The following HTR2C variants were observed in gnomAD, a reference collection of about 807,000 sequenced individuals.
HTR2C encodes 5-hydroxytryptamine (serotonin) receptor 2C, G protein-coupled.
In HTR2C, 5 loss-of-function variants were observed where a neutral mutation model predicts 21.0. The observed-to-expected ratio is 0.24, with a 90% CI of 0.12 to 0.50. HTR2C has a LOEUF of 0.50. Ranked by LOEUF, HTR2C falls within the 20% of genes least tolerant of loss-of-function variation. The pLI is 0.98. For missense variants in HTR2C, 271 were observed against 371.2 expected (o/e 0.73, Z 2.22); for synonymous variants, 150 against 145.3 (o/e 1.03, Z -0.23).
At chrX:114,648,102 A>T (rs1930428061) in intron 2 of HTR2C, among the ~76,000 whole-genome samples, 1 of 112,011 alleles carries the variant, frequency 8.9e-6, no homozygotes, top group Non-Finnish European at 1.9e-5. Flanking sequence ...GCAAAAGTGG[A>T]TAGTAGTGGA....
intron 5 of HTR2C, among the ~76,000 whole-genome samples, chrX:114,863,355 G>A (rs1320080687): frequency 1.8e-5 from 2 of 111,073 alleles, no homozygotes; most frequent in Non-Finnish European, 3.8e-5. Flanking sequence ...TTCTATTGTT[G>A]TTTGACTCAA....
At chrX:114,853,036 A>G (rs782602078) in intron 5 of HTR2C, among the ~76,000 whole-genome samples, 47 of 111,329 alleles carry the variant, frequency 4.2e-4, no homozygotes, top group African/African-American at 1.4e-3. Context: ...CTGTTTCCCC[A>G]AAGCCTTGCT....
At chrX:114,693,951 C>T (rs782754205) in intron 2 of HTR2C, among the ~76,000 whole-genome samples, 17 of 111,368 alleles carry the variant, frequency 1.5e-4, no homozygotes, top group African/African-American at 5.5e-4. Flanking sequence ...TGAAGTCTCT[C>T]TACCTATGAA....
chrX:114,830,778 G>T, intron 4 of HTR2C, among the ~76,000 whole-genome samples: 1 of 98,714 alleles, frequency 1.0e-5, no homozygotes, highest in Admixed American at 1.1e-4. Flanking sequence ...CATGTGCCAT[G>T]CTGGTGCGCT....
At chrX:114,779,667 A>G (rs1237276440) in intron 4 of HTR2C, among the ~76,000 whole-genome samples, 1 of 112,069 alleles carries the variant, frequency 8.9e-6, no homozygotes, top group Non-Finnish European at 1.9e-5. Context: ...ATATTTTCGT[A>G]GTCAGGTACT....
At chrX:114,870,195 C>G (rs1556475976) in intron 5 of HTR2C, among the ~76,000 whole-genome samples, 1 of 109,398 alleles carries the variant, frequency 9.1e-6, no homozygotes, top group African/African-American at 3.3e-5. Flanking sequence ...TTAAGTGATT[C>G]TCCTGCCTCA....
chrX:114,786,606 A>T (rs1431357479), intron 4 of HTR2C, among the ~76,000 whole-genome samples: 2 of 111,620 alleles, frequency 1.8e-5, no homozygotes, highest in African/African-American at 6.5e-5. Flanking sequence ...ACCTTTAGCT[A>T]TTATATTACA....
chrX:114,746,215 C>T (rs1359789072), intron 4 of HTR2C, among the ~76,000 whole-genome samples: 1 of 111,308 alleles, frequency 9.0e-6, no homozygotes, highest in African/African-American at 3.3e-5. Flanking sequence ...AATAAGAATT[C>T]TATACAACCT....
At chrX:114,676,160 G>A (rs1436153776) in intron 2 of HTR2C, among the ~76,000 whole-genome samples, 6 of 111,310 alleles carry the variant, frequency 5.4e-5, no homozygotes, top group African/African-American at 1.6e-4. Context: ...GTGAGCCACC[G>A]CGCTCAGCCT....
In HTR2C at chrX:114,688,926, A is replaced by T. The variant is rs147058452; in HGVS notation, c.-79-37932A>T. On this transcript the variant is annotated intron_variant, in intron 2 of 5. Coordinates refer to ENST00000276198, the MANE Select transcript of HTR2C (RefSeq NM_000868.4). ...CTGGTGATTTCTGAGATTTTGATGC[A>T]CCCATCACCCAAGCAGTGTATGTTG... Among the ~76,000 whole-genome samples the T allele has an allele frequency of 4.0e-3, 434 of 108,942 alleles. 2 individuals carry two copies. Among genetic ancestry groups the T allele is most frequent in the African/African-American group, 0.014 (412 of 29,907 alleles). The allele number at this position is 108,942 out of a possible 115,157, so 94.6% of individuals were successfully genotyped here.
intron 5 of HTR2C, among the ~76,000 whole-genome samples, chrX:114,885,030 G>A (rs1028149737): frequency 4.5e-5 from 5 of 110,300 alleles, no homozygotes; most frequent in Non-Finnish European, 9.5e-5. Flanking sequence ...ACCAGAGGAG[G>A]GAGGGTGGGA....
chrX:114,791,385 C>T (rs1402272953), intron 4 of HTR2C, among the ~76,000 whole-genome samples: 2 of 111,650 alleles, frequency 1.8e-5, no homozygotes, highest in Non-Finnish European at 3.8e-5. Flanking sequence ...TTTTCTTAGT[C>T]GGTCTTTAAT....
intron 1 of HTR2C, among the ~76,000 whole-genome samples, chrX:114,603,489 A>G (rs1928238080): frequency 9.4e-6 from 1 of 106,463 alleles, no homozygotes; most frequent in South Asian, 4.4e-4. Flanking sequence ...GACCACTCGA[A>G]CCATGCCTAG....
chrX:114,625,343 G>A (rs1255007592), intron 2 of HTR2C, among the ~76,000 whole-genome samples: 1 of 111,742 alleles, frequency 8.9e-6, no homozygotes, highest in African/African-American at 3.3e-5. Flanking sequence ...GGGCCTAATG[G>A]GAGGAGTTGG....
At chrX:114,641,588 G>T (rs1930125074) in intron 2 of HTR2C, among the ~76,000 whole-genome samples, 1 of 111,574 alleles carries the variant, frequency 9.0e-6, no homozygotes, top group African/African-American at 3.3e-5. Flanking sequence ...ATCAACAAGG[G>T]ATAAGTTGAT....
At chrX:114,704,101 T>C (rs900025485) in intron 2 of HTR2C, among the ~76,000 whole-genome samples, 101 of 111,529 alleles carry the variant, frequency 9.1e-4, no homozygotes, top group Non-Finnish European at 1.7e-3. Context: ...CAGGACCAGA[T>C]GGATTCACAG....
At chrX:114,633,056 T>G (rs1929694516) in intron 2 of HTR2C, among the ~76,000 whole-genome samples, 1 of 111,183 alleles carries the variant, frequency 9.0e-6, no homozygotes, top group Admixed American at 9.6e-5. Flanking sequence ...TTTTTAAAAC[T>G]TAATTTCTTC....
chrX:114,859,184 G>A (rs371473336), intron 5 of HTR2C, among the ~76,000 whole-genome samples: 56 of 110,890 alleles, frequency 5.1e-4, no homozygotes, highest in African/African-American at 1.7e-3. Flanking sequence ...AAATGAGTTT[G>A]AAGCTGTCCC....
At chrX:114,746,424 G>A (rs782221548) in intron 4 of HTR2C, among the ~76,000 whole-genome samples, 29 of 111,362 alleles carry the variant, frequency 2.6e-4, no homozygotes, top group East Asian at 5.7e-4. Context: ...CTGATATAGC[G>A]GGCCCAACAT....
Sources: allele counts gnomAD v4.1 joint callset (sites outside exome capture counted in the v4.1 genomes callset), GRCh38; gene constraint gnomAD v4.1.1; transcripts MANE v1.5; gene names NCBI Gene and HGNC (gene_info 2026-07-23, HGNC 2026-07-21).